Variants in ARMH4 observed in about 807,000 individuals in gnomAD.
ARMH4 encodes the protein armadillo like helical domain containing 4.
Under a neutral mutation model 61.9 loss-of-function variants are expected in ARMH4, and 49 were observed. The observed-to-expected ratio is 0.79, with a 90% CI of 0.63 to 1.00. The LOEUF is 1.00. Ranked by LOEUF, ARMH4 falls within the 50% of genes least tolerant of loss-of-function variation. ARMH4 has a pLI of 0.00. For synonymous variants in ARMH4, 368 were observed against 341.5 expected, an observed-to-expected ratio of 1.08 and a Z score of -0.85; for missense variants, 934 against 930.0, an observed-to-expected ratio of 1.00 and a Z score of -0.06.
intron 5 of ARMH4, among the ~76,000 whole-genome samples, chr14:58,068,852 C>T (rs1287840789): frequency 6.6e-6 from 1 of 151,890 alleles, no homozygotes; most frequent in African/African-American, 2.4e-5. Context: ...ACTAAAAATA[C>T]AAAAATTAGC....
chr14:58,123,356 C>T (rs1185851013), intron 4 of ARMH4, among the ~76,000 whole-genome samples: 2 of 152,130 alleles, frequency 1.3e-5, no homozygotes, highest in African/African-American at 4.8e-5. Flanking sequence ...AGGATTCTGC[C>T]TCCTTTCCCT....
intron 5 of ARMH4, among the ~76,000 whole-genome samples, chr14:58,070,484 T>C (rs139718942): frequency 5.9e-5 from 9 of 152,194 alleles, no homozygotes; most frequent in Non-Finnish European, 1.2e-4. Context: ...AGTTTCCCCA[T>C]GGCTCCTCCC....
chr14:58,128,140 G>C (rs1289308930), intron 4 of ARMH4, among the ~76,000 whole-genome samples: 1 of 152,216 alleles, frequency 6.6e-6, no homozygotes, highest in Non-Finnish European at 1.5e-5. Context: ...TCTTCAGACA[G>C]ATTTCTAACA....
chr14:58,123,557 T>A (rs1033053025), intron 4 of ARMH4, among the ~76,000 whole-genome samples: 12 of 152,140 alleles, frequency 7.9e-5, no homozygotes, highest in Non-Finnish European at 1.8e-4. Context: ...CCGTTGTCCC[T>A]CTAGACCCAG....
intron 5 of ARMH4, among the ~76,000 whole-genome samples, chr14:58,086,847 G>A (rs978824227): frequency 2.0e-5 from 3 of 152,178 alleles, no homozygotes; most frequent in Middle Eastern, 3.4e-3. Context: ...GAAAGGCTTC[G>A]GCCAGATCCA....
intron 6 of ARMH4, among the ~76,000 whole-genome samples, chr14:58,011,159 A>G (rs1016605944): frequency 2.0e-5 from 3 of 152,188 alleles, no homozygotes; most frequent in Non-Finnish European, 4.4e-5. Context: ...TTATATGAAC[A>G]CAAAATAGTC....
intron 5 of ARMH4, among the ~76,000 whole-genome samples, chr14:58,053,389 C>T (rs1231450378): frequency 6.6e-6 from 1 of 152,184 alleles, no homozygotes; most frequent in Non-Finnish European, 1.5e-5. Context: ...GGGTTTGGTC[C>T]CTGTTGGTTC....
intron 4 of ARMH4, among the ~76,000 whole-genome samples, chr14:58,127,387 T>C (rs907569868): frequency 6.6e-6 from 1 of 152,164 alleles, no homozygotes; most frequent in Non-Finnish European, 1.5e-5. Flanking sequence ...AGTTCCCCTA[T>C]ACAAGCTCTC....
At position 58,138,911 on chromosome 14, in the gene ARMH4, T is replaced by C. The variant is rs1887426197; in HGVS notation, c.448A>G (p.Thr150Ala). ...LAKAMLTIAI[T>A]ATPSLTVDEK... ...TCAACAGTCAGAGAAGGAGTCGCAG[T>C]GATAGCAATGGTTAACATGGCCTTG... The change falls in exon 2 of 8, where the codon ACT becomes GCT. Residue 150 changes from threonine (T) to alanine (A), a missense_variant. By Grantham distance (58) the Thr-to-Ala change is moderately conservative (BLOSUM62 0). Coordinates refer to ENST00000267485, the MANE Select transcript of ARMH4 (RefSeq NM_001001872.4). 6.2e-7 allele frequency: 1 copy of C among 1,614,208 alleles called. No individual in the cohort carries two copies. The highest frequency in any genetic ancestry group is 8.5e-7 in the Non-Finnish European group (1 of 1,180,026).
chr14:58,031,864 G>A (rs1483870127), intron 5 of ARMH4, among the ~76,000 whole-genome samples: 3 of 151,842 alleles, frequency 2.0e-5, no homozygotes, highest in African/African-American at 7.2e-5. Context: ...CCACAAGGGT[G>A]TCTCCAGTTT....
intron 5 of ARMH4, among the ~76,000 whole-genome samples, chr14:58,024,035 C>G (rs1594698192): frequency 6.6e-6 from 1 of 152,120 alleles, no homozygotes; most frequent in East Asian, 1.9e-4. Flanking sequence ...TAGCATAATT[C>G]TTAAGGGCCC....
intron 4 of ARMH4, among the ~76,000 whole-genome samples, chr14:58,112,541 C>A (rs1241747420): frequency 6.6e-6 from 1 of 152,078 alleles, no homozygotes; most frequent in Non-Finnish European, 1.5e-5. Context: ...TCTTCTTACT[C>A]CATAAATTAG....
At chr14:58,089,456 GCT>G (rs1401870256) in intron 5 of ARMH4, among the ~76,000 whole-genome samples, 1 of 152,166 alleles carries the variant, frequency 6.6e-6, no homozygotes, top group East Asian at 1.9e-4. Flanking sequence ...ACAGTCAAGT[GCT>G]CTGTTTCCAG....
At chr14:58,046,920 A>T (rs984396748) in intron 5 of ARMH4, among the ~76,000 whole-genome samples, 11 of 152,236 alleles carry the variant, frequency 7.2e-5, no homozygotes, top group African/African-American at 2.4e-4. Flanking sequence ...CCATAAAACC[A>T]AAACAAATTC....
chr14:58,007,981 A>G (rs549770992), intron 6 of ARMH4, among the ~76,000 whole-genome samples: 12 of 152,344 alleles, frequency 7.9e-5, no homozygotes, highest in African/African-American at 2.6e-4. Flanking sequence ...GAAATTAAAG[A>G]AACATGACAA....
intron 4 of ARMH4, among the ~76,000 whole-genome samples, chr14:58,114,133 TA>T (rs532385118): frequency 1.2e-3 from 177 of 152,306 alleles, no homozygotes; most frequent in African/African-American, 4.2e-3. Flanking sequence ...TGCTTGGTTC[TA>T]ATCTGTGGGA....
intron 5 of ARMH4, among the ~76,000 whole-genome samples, chr14:58,088,248 C>G (rs141271966): frequency 6.6e-6 from 1 of 152,044 alleles, no homozygotes; most frequent in Non-Finnish European, 1.5e-5. Context: ...AGATATTCTT[C>G]CCTAGAAATT....
intron 5 of ARMH4, among the ~76,000 whole-genome samples, chr14:58,069,952 G>A (rs753847890): frequency 6.6e-6 from 1 of 152,260 alleles, no homozygotes; most frequent in South Asian, 2.1e-4. Context: ...TGGAAATAGA[G>A]GAACTGCAAG....
intron 2 of ARMH4, among the ~76,000 whole-genome samples, chr14:58,133,965 C>T (rs1245943127): frequency 2.6e-5 from 4 of 152,126 alleles, no homozygotes; most frequent in Non-Finnish European, 4.4e-5. Context: ...GCCAACCTGC[C>T]TTAGTCACTT....
Sources: allele counts gnomAD v4.1 joint callset (sites outside exome capture counted in the v4.1 genomes callset), GRCh38; gene constraint gnomAD v4.1.1; transcripts MANE v1.5; gene names NCBI Gene and HGNC (gene_info 2026-07-23, HGNC 2026-07-21).